Variants in XRCC4 observed in about 807,000 individuals in gnomAD.
XRCC4 encodes the protein DNA repair protein XRCC4.
Under a neutral mutation model 39.1 loss-of-function variants are expected in XRCC4, and 28 were observed. The observed-to-expected ratio is 0.72, with a 90% CI of 0.53 to 0.98. The LOEUF is 0.98. Among genes scored for constraint, XRCC4 ranks in the 50% least tolerant of loss-of-function variants. The probability of loss-of-function intolerance (pLI) is 0.00; values close to 1 mark genes in which losing one functional copy is unlikely to be tolerated. For synonymous variants in XRCC4, 123 were observed against 126.4 expected (o/e 0.97, Z 0.18); for missense variants, 350 against 376.4 (o/e 0.93, Z 0.58).
chr5:83,284,793 T>C (rs1279335160), intron 7 of XRCC4, among the ~76,000 whole-genome samples: 1 of 152,104 alleles, frequency 6.6e-6, no homozygotes, highest in African/African-American at 2.4e-5. Flanking sequence ...AATATAGAAA[T>C]ATTATTGTGA....
chr5:83,139,839 C>T (rs1021889116), intron 3 of XRCC4, among the ~76,000 whole-genome samples: 1 of 152,170 alleles, frequency 6.6e-6, no homozygotes, highest in Non-Finnish European at 1.5e-5. Context: ...TCTTATGGGA[C>T]TACGCTTTTC....
rs778723397 is a variant in XRCC4 at position 83,203,683 on chromosome 5, G to A, written c.614G>A (p.Arg205Gln). 7.5e-6 allele frequency: 12 copies of A among 1,608,244 alleles called. No homozygotes were observed. The highest frequency in any genetic ancestry group is 1.0e-5 in the Non-Finnish European group (12 of 1,177,958). ...HNKLLNAAQE[R>Q]EKDIKQEGET... is the part of the protein sequence containing the mutation. ...AAATTATTAAATGCAGCTCAAGAAC[G>A]AGAAAAGGACATCAAACAAGAAGGG... is the stretch of plus-strand genomic sequence containing the variant. The change falls in exon 5 of 8, where the codon CGA becomes CAA. Residue 205 changes from arginine (R) to glutamine (Q), a missense_variant. By Grantham distance (43) the Arg-to-Gln change is conservative. Transcript: ENST00000396027.
intron 6 of XRCC4, among the ~76,000 whole-genome samples, chr5:83,232,476 G>C (rs1478751707): frequency 6.6e-6 from 1 of 151,994 alleles, no homozygotes; most frequent in Non-Finnish European, 1.5e-5. Context: ...TCTTTAGGAA[G>C]ACTGTTGCTT....
At chr5:83,249,705 C>CA (rs1162264465) in intron 6 of XRCC4, among the ~76,000 whole-genome samples, 2 of 136,010 alleles carry the variant, frequency 1.5e-5, no homozygotes, top group Non-Finnish European at 3.0e-5. Flanking sequence ...GTTCCTTATC[C>CA]ACCAAATTCA....
chr5:83,321,758 C>A (rs1756083119), intron 7 of XRCC4, among the ~76,000 whole-genome samples: 1 of 151,870 alleles, frequency 6.6e-6, no homozygotes, highest in Non-Finnish European at 1.5e-5. Context: ...CAGATAAGAT[C>A]ATAATTGCAA....
At chr5:83,296,365 C>G (rs1211309314) in intron 7 of XRCC4, among the ~76,000 whole-genome samples, 2 of 152,114 alleles carry the variant, frequency 1.3e-5, no homozygotes, top group African/African-American at 4.8e-5. Flanking sequence ...ACCTCATTTG[C>G]TTTCACCTTA....
At chr5:83,141,096 T>C (rs934392406) in intron 3 of XRCC4, among the ~76,000 whole-genome samples, 7 of 152,378 alleles carry the variant, frequency 4.6e-5, no homozygotes, top group Non-Finnish European at 7.3e-5. Flanking sequence ...CTTTTTTACA[T>C]AGCAATGTAT....
chr5:83,271,586 CTT>C, intron 7 of XRCC4, among the ~76,000 whole-genome samples: 1 of 152,238 alleles, frequency 6.6e-6, no homozygotes, highest in South Asian at 2.1e-4. Flanking sequence ...AATGTCTACT[CTT>C]TGACCACAGT....
chr5:83,196,917 A>G (rs1263543869), intron 4 of XRCC4, among the ~76,000 whole-genome samples: 1 of 151,864 alleles, frequency 6.6e-6, no homozygotes, highest in African/African-American at 2.4e-5. Context: ...CGATTTTACC[A>G]CTATCAACAT....
intron 3 of XRCC4, among the ~76,000 whole-genome samples, chr5:83,149,552 C>G (rs1351616791): frequency 1.3e-5 from 2 of 151,988 alleles, no homozygotes; most frequent in African/African-American, 2.4e-5. Flanking sequence ...TTCTTTTTGT[C>G]TTTTGAAGCA....
At chr5:83,338,699 T>G (rs1357702500) in intron 7 of XRCC4, among the ~76,000 whole-genome samples, 1 of 152,154 alleles carries the variant, frequency 6.6e-6, no homozygotes, top group Non-Finnish European at 1.5e-5. Flanking sequence ...ACTCTGTTCC[T>G]CAAAATGAAC....
intron 1 of XRCC4, among the ~76,000 whole-genome samples, chr5:83,094,828 G>A (rs1044197266): frequency 6.6e-6 from 1 of 151,206 alleles, no homozygotes; most frequent in African/African-American, 2.4e-5. Flanking sequence ...TGGAACTACA[G>A]GTGTGAGCCA....
At chr5:83,096,254 G>A (rs549875057) in intron 1 of XRCC4, among the ~76,000 whole-genome samples, 11 of 152,262 alleles carry the variant, frequency 7.2e-5, no homozygotes, top group Admixed American at 4.6e-4. Flanking sequence ...CATCCCAGTG[G>A]CTCAGATGGG....
At chr5:83,321,936 T>C (rs28360313) in intron 7 of XRCC4, among the ~76,000 whole-genome samples, 2,838 of 150,964 alleles carry the variant, frequency 0.019, 81 homozygotes, top group African/African-American at 0.066. Flanking sequence ...TCTGAGAGAT[T>C]CAGTTGATTT....
the XRCC4 span, among the ~76,000 whole-genome samples, chr5:83,369,908 T>C: frequency 6.6e-6 from 1 of 152,172 alleles, no homozygotes. Flanking sequence ...GCCTTATCAA[T>C]ATCTGTTATT....
chr5:83,134,215 C>T (rs1034073413), intron 3 of XRCC4, among the ~76,000 whole-genome samples: 5 of 152,094 alleles, frequency 3.3e-5, no homozygotes, highest in African/African-American at 7.2e-5. Flanking sequence ...CCGGAGTGTC[C>T]GGGGTAGGTG....
downstream of XRCC4, among the ~76,000 whole-genome samples, chr5:83,358,044 T>A (rs532095696): frequency 2.4e-4 from 37 of 152,328 alleles, no homozygotes; most frequent in Middle Eastern, 6.8e-3. Context: ...AAAGAACTAT[T>A]CATGCATCCA....
chr5:83,277,586 T>C (rs547512133), intron 7 of XRCC4, among the ~76,000 whole-genome samples: 20 of 152,348 alleles, frequency 1.3e-4, no homozygotes, highest in Non-Finnish European at 2.2e-4. Flanking sequence ...AAATATAGCA[T>C]ATTTTTAGCA....
intron 7 of XRCC4, among the ~76,000 whole-genome samples, chr5:83,302,553 G>A (rs1402897140): frequency 6.6e-6 from 1 of 152,074 alleles, no homozygotes; most frequent in Non-Finnish European, 1.5e-5. Flanking sequence ...GAGATGAAAC[G>A]GGTACCTCAG....
Sources: gnomAD v4.1 joint callset for allele counts (sites outside exome capture counted in the v4.1 genomes callset) on GRCh38, gnomAD v4.1.1 for gene constraint, MANE v1.5 for transcripts, NCBI Gene and HGNC (gene_info 2026-07-23, HGNC 2026-07-21) for gene names.